The following COL28A1 variants were observed in gnomAD, a reference collection of about 807,000 sequenced individuals.
COL28A1 encodes the protein collagen alpha-1(XXVIII) chain.
COL28A1 carries 161 observed loss-of-function variants against 150.2 expected under a neutral mutation model. The observed-to-expected ratio is 1.07, with a 90% CI of 0.94 to 1.22. COL28A1 has a LOEUF of 1.22. Among genes scored for constraint, COL28A1 ranks in the 50% most tolerant of loss-of-function variants. The probability of loss-of-function intolerance (pLI) is 0.00; values close to 1 mark genes in which losing one functional copy is unlikely to be tolerated. For missense variants in COL28A1, 1,617 were observed against 1,388.3 expected (o/e 1.16, Z -2.62); for synonymous variants, 552 against 469.7 (o/e 1.18, Z -2.26).
At chr7:7,438,356 C>G (rs73334145) in intron 21 of COL28A1, among the ~76,000 whole-genome samples, 2,745 of 152,320 alleles carry the variant, frequency 0.018, 91 homozygotes, top group African/African-American at 0.063. Context: ...AAGACTCAAT[C>G]TGGAGCAACA....
At chr7:7,523,416 C>T (rs1423533589) in intron 4 of COL28A1, among the ~76,000 whole-genome samples, 2 of 151,914 alleles carry the variant, frequency 1.3e-5, no homozygotes, top group African/African-American at 4.8e-5. Context: ...CCTCGGCCTC[C>T]CAAACTGCTG....
intron 26 of COL28A1, among the ~76,000 whole-genome samples, chr7:7,419,349 A>C (rs1784273458): frequency 6.6e-6 from 1 of 152,164 alleles, no homozygotes; most frequent in African/African-American, 2.4e-5. Flanking sequence ...AAGGGAAACA[A>C]AGTCTCCCTC....
chr7:7,375,477 A>G lies in COL28A1; in HGVS notation c.2343T>C (p.Leu781=). The G allele has an allele frequency of 6.4e-7, 1 of 1,568,724 alleles. No individual in the cohort carries two copies. The highest frequency in any genetic ancestry group is 1.7e-4 in the Middle Eastern group (1 of 5,904). The part of the protein sequence containing the change: ...LGLTKEEIIK[L]ITEICGCGPK... ...AAATCTTACCACATATTTCTGTAAT[A>G]AGTTTGATAATTTCTTCTTTCTAGG... is the stretch of plus-strand genomic sequence containing the variant. The change falls in exon 31 of 35, where the codon CTT becomes CTC. Residue 781 remains leucine, a synonymous_variant. Coordinates refer to ENST00000399429, the MANE Select transcript of COL28A1 (RefSeq NM_001037763.3).
chr7:7,477,169 AC>A lies in COL28A1; in HGVS notation c.1175del (p.Gly392ValfsTer46). 4 of 1,257,192 alleles carry A rather than the reference AC, an allele frequency of 3.2e-6. No individual in the cohort carries two copies. Among genetic ancestry groups the A allele is most frequent in the Non-Finnish European group, 4.7e-6 (4 of 853,608 alleles). 77.9% of individuals were successfully genotyped at this position (1,257,192 alleles called of 1,614,324 possible). ...CCCTCTCTCCTGGTACTCCCTCAGG[AC>A]CACGGGGACCCTGGTTAGGATAGGA... is the stretch of plus-strand genomic sequence containing the variant. ...VGEPGQPGPR[G>X]PEGVPGERGL... On this transcript the variant is annotated frameshift_variant, in exon 14 of 35. Coordinates refer to ENST00000399429, the MANE Select transcript of COL28A1 (RefSeq NM_001037763.3). LOFTEE classifies it high-confidence loss of function.
intron 21 of COL28A1, among the ~76,000 whole-genome samples, chr7:7,439,206 C>A (rs1333736714): frequency 6.6e-6 from 1 of 152,206 alleles, no homozygotes; most frequent in Non-Finnish European, 1.5e-5. Flanking sequence ...ATCTTCAGAG[C>A]TGAAGCCTCC....
At chr7:7,403,379 T>C (rs574082486) in intron 27 of COL28A1, among the ~76,000 whole-genome samples, 7 of 152,338 alleles carry the variant, frequency 4.6e-5, no homozygotes, top group African/African-American at 1.7e-4. Flanking sequence ...GTCATAAACT[T>C]AAAGAGGCTT....
intron 32 of COL28A1, among the ~76,000 whole-genome samples, chr7:7,371,818 C>A (rs896633579): frequency 3.3e-5 from 5 of 152,092 alleles, no homozygotes; most frequent in African/African-American, 1.2e-4. Context: ...ACTGGCTGTA[C>A]AATAAATTCT....
the COL28A1 span, among the ~76,000 whole-genome samples, chr7:7,344,173 T>G: frequency 6.6e-6 from 1 of 152,148 alleles, no homozygotes; most frequent in South Asian, 2.1e-4. Context: ...ATCTATAAGT[T>G]TGAATGTATG....
At chr7:7,399,527 G>T (rs1458116535) in intron 27 of COL28A1, among the ~76,000 whole-genome samples, 1 of 152,092 alleles carries the variant, frequency 6.6e-6, no homozygotes, top group Non-Finnish European at 1.5e-5. Context: ...CCATCTTTTT[G>T]GTAGAAGATG....
intron 26 of COL28A1, among the ~76,000 whole-genome samples, chr7:7,419,674 C>G (rs1784288110): frequency 6.6e-6 from 1 of 152,172 alleles, no homozygotes; most frequent in Non-Finnish European, 1.5e-5. Context: ...GGCTGACTTG[C>G]TCATTTCTTT....
chr7:7,371,536 G>A (rs551234939), intron 32 of COL28A1, among the ~76,000 whole-genome samples: 1 of 152,340 alleles, frequency 6.6e-6, no homozygotes, highest in East Asian at 1.9e-4. Flanking sequence ...GATGGGCTGT[G>A]CCCAGCCACA....
chr7:7,483,035 C>A (rs768460845), intron 13 of COL28A1, among the ~76,000 whole-genome samples: 21 of 152,168 alleles, frequency 1.4e-4, no homozygotes, highest in Non-Finnish European at 1.9e-4. Flanking sequence ...GAGATTCCCA[C>A]AAACTTAGAC....
intron 15 of COL28A1, among the ~76,000 whole-genome samples, chr7:7,472,983 G>A (rs1188772901): frequency 6.6e-6 from 1 of 152,136 alleles, no homozygotes; most frequent in African/African-American, 2.4e-5. Context: ...ATATGTAGAA[G>A]AATAAAACCG....
chr7:7,347,139 AC>A, the COL28A1 span, among the ~76,000 whole-genome samples: 3 of 152,068 alleles, frequency 2.0e-5, no homozygotes, highest in African/African-American at 7.2e-5. Context: ...AGCAAAAAAA[AC>A]AATGTATATG....
intron 15 of COL28A1, among the ~76,000 whole-genome samples, chr7:7,471,557 G>C (rs758017477): frequency 4.7e-4 from 72 of 152,124 alleles, no homozygotes; most frequent in Non-Finnish European, 2.9e-4. Context: ...ATGCAGGGAT[G>C]GGTTTAACAT....
At chr7:7,465,195 C>G (rs1022995880) in intron 15 of COL28A1, among the ~76,000 whole-genome samples, 1 of 150,928 alleles carries the variant, frequency 6.6e-6, no homozygotes, top group South Asian at 2.1e-4. Context: ...TCTGAGGTAC[C>G]GGGTTCATCC....
intron 32 of COL28A1, among the ~76,000 whole-genome samples, chr7:7,372,291 T>C (rs1440390921): frequency 1.3e-5 from 2 of 151,516 alleles, no homozygotes; most frequent in African/African-American, 4.8e-5. Context: ...CCCAGCTACT[T>C]GGGAGGCTGA....
intron 18 of COL28A1, among the ~76,000 whole-genome samples, chr7:7,448,589 C>A (rs1015096387): frequency 6.6e-6 from 1 of 151,186 alleles, no homozygotes; most frequent in African/African-American, 2.4e-5. Context: ...AATGTCCATA[C>A]AAACACATAT....
upstream of COL28A1, chr7:7,535,880 G>A (rs1372479683): frequency 2.0e-5 from 3 of 152,166 alleles, no homozygotes; most frequent in Admixed American, 2.0e-4. Flanking sequence ...CTTTGCTTTA[G>A]GATCTTTTGC....
Sources: allele counts gnomAD v4.1 joint callset (sites outside exome capture counted in the v4.1 genomes callset), GRCh38; gene constraint gnomAD v4.1.1; transcripts MANE v1.5; gene names NCBI Gene and HGNC (gene_info 2026-07-23, HGNC 2026-07-21).